Variants in EYA1 observed in about 807,000 individuals in gnomAD.
EYA1 encodes EYA transcriptional coactivator and phosphatase 1, also known as protein phosphatase EYA1.
In EYA1, 16 loss-of-function variants were observed where a neutral mutation model predicts 82.0. That is an observed-to-expected ratio of 0.20 (90% confidence interval 0.13 to 0.30). The LOEUF is 0.30. EYA1 is among the 10% of genes least tolerant of loss of function. EYA1 has a pLI of 1.00. For missense variants in EYA1, 633 were observed against 730.7 expected, an observed-to-expected ratio of 0.87 and a Z score of 1.54; for synonymous variants, 261 against 264.4, an observed-to-expected ratio of 0.99 and a Z score of 0.12.
At chr8:71,456,056 A>G (rs185645768) in intron 2 of EYA1, among the ~76,000 whole-genome samples, 57 of 152,354 alleles carry the variant, frequency 3.7e-4, no homozygotes, top group African/African-American at 1.3e-3. Context: ...AACTTCAGCA[A>G]AGTCTCAGGA....
chr8:71,288,414 C>A (rs1225608347), intron 9 of EYA1, among the ~76,000 whole-genome samples: 1 of 152,196 alleles, frequency 6.6e-6, no homozygotes, highest in Non-Finnish European at 1.5e-5. Context: ...CCAAGGCTGA[C>A]ACTCTAGTGT....
At chr8:71,261,450 C>G (rs1449689319) in intron 11 of EYA1, among the ~76,000 whole-genome samples, 1 of 152,126 alleles carries the variant, frequency 6.6e-6, no homozygotes, top group African/African-American at 2.4e-5. Flanking sequence ...CATGGTTAAA[C>G]TACTGCCTGA....
At chr8:71,495,012 A>G (rs531846169) in intron 2 of EYA1, among the ~76,000 whole-genome samples, 3 of 152,220 alleles carry the variant, frequency 2.0e-5, no homozygotes, top group Admixed American at 2.0e-4. Context: ...TACTTCTGGA[A>G]GATACCACAT....
At chr8:71,499,057 C>A (rs1811624349) in intron 2 of EYA1, among the ~76,000 whole-genome samples, 1 of 152,176 alleles carries the variant, frequency 6.6e-6, no homozygotes, top group Admixed American at 6.5e-5. Context: ...TTCAAAGAAA[C>A]TGGGACACTC....
chr8:71,340,166 G>T (rs1292033937), intron 3 of EYA1, among the ~76,000 whole-genome samples: 1 of 152,160 alleles, frequency 6.6e-6, no homozygotes, highest in African/African-American at 2.4e-5. Flanking sequence ...GTCTTCAGCA[G>T]GTTCTTCACT....
At chr8:71,277,755 C>A (rs1243512914) in intron 9 of EYA1, among the ~76,000 whole-genome samples, 1 of 152,054 alleles carries the variant, frequency 6.6e-6, no homozygotes, top group Non-Finnish European at 1.5e-5. Context: ...GAGTGCAAGG[C>A]AAACATTAAA....
At chr8:71,233,092 C>T (rs1402862248) in intron 12 of EYA1, among the ~76,000 whole-genome samples, 1 of 152,120 alleles carries the variant, frequency 6.6e-6, no homozygotes, top group Non-Finnish European at 1.5e-5. Flanking sequence ...ACCACATAAA[C>T]AACACTGGGC....
chr8:71,396,584 C>A (rs1829631707), intron 2 of EYA1, among the ~76,000 whole-genome samples: 1 of 152,174 alleles, frequency 6.6e-6, no homozygotes, highest in Non-Finnish European at 1.5e-5. Context: ...GTTCAGTTTC[C>A]ATGCAGTAGA....
intron 2 of EYA1, among the ~76,000 whole-genome samples, chr8:71,436,304 A>C (rs969435417): frequency 7.9e-5 from 12 of 152,260 alleles, no homozygotes; most frequent in Admixed American, 7.8e-4. Flanking sequence ...CTAAAAAAGA[A>C]TTGTTTCAAA....
At chr8:71,390,753 A>G (rs1206919737) in intron 2 of EYA1, among the ~76,000 whole-genome samples, 3 of 151,908 alleles carry the variant, frequency 2.0e-5, no homozygotes, top group Non-Finnish European at 2.9e-5. Context: ...TTTTCTTCTT[A>G]GACTCCAGTG....
intron 2 of EYA1, among the ~76,000 whole-genome samples, chr8:71,510,096 A>G (rs1812483139): frequency 6.6e-6 from 1 of 151,942 alleles, no homozygotes; most frequent in South Asian, 2.1e-4. Context: ...GGGCTTGATC[A>G]TGTGACTTAC....
intron 2 of EYA1, among the ~76,000 whole-genome samples, chr8:71,481,710 G>A (rs952630965): frequency 1.1e-4 from 16 of 152,022 alleles, no homozygotes; most frequent in Non-Finnish European, 1.6e-4. Context: ...TACTTTTCCC[G>A]TAGAGCTGTA....
intron 17 of EYA1, among the ~76,000 whole-genome samples, chr8:71,206,344 C>T (rs897387751): frequency 6.6e-6 from 1 of 152,022 alleles, no homozygotes; most frequent in Admixed American, 6.6e-5. Flanking sequence ...ACCTCAGCCT[C>T]TCCAGTAGCT....
intron 2 of EYA1, among the ~76,000 whole-genome samples, chr8:71,428,261 T>G (rs1423530610): frequency 6.6e-6 from 1 of 152,124 alleles, no homozygotes; most frequent in East Asian, 1.9e-4. Flanking sequence ...AGAGCATTAG[T>G]AAAAAGTATT....
chr8:71,262,030 C>G (rs1030672360), intron 11 of EYA1, among the ~76,000 whole-genome samples: 3 of 152,216 alleles, frequency 2.0e-5, no homozygotes, highest in African/African-American at 7.2e-5. Context: ...ATGGCATTCC[C>G]ATGCCCACAG....
intron 1 of EYA1, among the ~76,000 whole-genome samples, chr8:71,545,727 A>G (rs897544773): frequency 6.6e-6 from 1 of 151,682 alleles, no homozygotes; most frequent in Non-Finnish European, 1.5e-5. Flanking sequence ...ACGCCCAGCT[A>G]ATTTTTTGTA....
chr8:71,340,499 C>T (rs1419889595), intron 3 of EYA1, among the ~76,000 whole-genome samples: 6 of 152,134 alleles, frequency 3.9e-5, no homozygotes, highest in African/African-American at 1.4e-4. Context: ...CTTTGTAGTA[C>T]CCTTCCCTCT....
chr8:71,539,665 T>C (rs980695567), intron 1 of EYA1, among the ~76,000 whole-genome samples: 1 of 152,136 alleles, frequency 6.6e-6, no homozygotes. Context: ...TTGCTGACCA[T>C]GAATGAAGGG....
chr8:71,498,722 C>T (rs559335105), intron 2 of EYA1, among the ~76,000 whole-genome samples: 20 of 152,080 alleles, frequency 1.3e-4, no homozygotes, highest in Non-Finnish European at 1.9e-4. Context: ...ATCTCCGAGT[C>T]GGTTAAAGTA....
Sources: allele counts gnomAD v4.1 joint callset (sites outside exome capture counted in the v4.1 genomes callset), GRCh38; gene constraint gnomAD v4.1.1; transcripts MANE v1.5; gene names NCBI Gene and HGNC (gene_info 2026-07-23, HGNC 2026-07-21).